The following F5 variants were observed in gnomAD, a reference collection of about 807,000 sequenced individuals.
F5 encodes the protein activated protein c cofactor.
Under a neutral mutation model 216.4 loss-of-function variants are expected in F5, and 138 were observed. That is an observed-to-expected ratio of 0.64 (90% CI 0.56 to 0.73). The LOEUF (loss-of-function observed/expected upper bound fraction) is 0.73, where lower values mean the gene tolerates loss of function less well. F5 is among the 30% of genes least tolerant of loss of function. The probability of loss-of-function intolerance (pLI) is 0.00; values close to 1 mark genes in which losing one functional copy is unlikely to be tolerated. For synonymous variants in F5, 916 were observed against 930.7 expected, an observed-to-expected ratio of 0.98 and a Z score of 0.29; for missense variants, 2,403 against 2,674.0, an observed-to-expected ratio of 0.90 and a Z score of 2.24.
chr1:169,530,931 TC>T lies in F5; in HGVS notation c.5062del (p.Asp1688MetfsTer47). ...TTCCTTAAACCATTCAGGAGAGTCA[TC>T]TTCATAAGTCTTTCCCTCTGATGAT... is the stretch of plus-strand genomic sequence containing the variant. ...EKSSEGKTYE[D>X]DSPEWFKEDN... On this transcript the variant is annotated frameshift_variant, in exon 15 of 25. Coordinates refer to ENST00000367797, the MANE Select transcript of F5 (RefSeq NM_000130.5). LOFTEE classifies it high-confidence loss of function. The T allele has an allele frequency of 6.2e-7, 1 of 1,613,906 alleles. No homozygotes were observed. Among genetic ancestry groups the T allele is most frequent in the Non-Finnish European group, 8.5e-7 (1 of 1,179,850 alleles).
In F5 at chr1:169,527,889, ACCTCTTCC is replaced by A; in HGVS notation, c.5599+18_5599+25del. On this transcript the variant is annotated intron_variant, in intron 17 of 24. Coordinates refer to ENST00000367797, the MANE Select transcript of F5 (RefSeq NM_000130.5). ...CTTTTCCCTGTATTTCTTAGCAGGG[ACCTCTTCC>A]CATTACCCAATCTTTACCAGGCAGA... 6.2e-7 allele frequency: 1 copy of A among 1,612,036 alleles called. No homozygotes were observed.
At chr1:169,573,567 G>A (rs1395568049) in intron 2 of F5, among the ~76,000 whole-genome samples, 1 of 152,186 alleles carries the variant, frequency 6.6e-6, no homozygotes, top group East Asian at 1.9e-4. Flanking sequence ...ATGACCTCAA[G>A]GTGTTTTATC....
At chr1:169,563,150 G>A (rs578081089) in intron 3 of F5, among the ~76,000 whole-genome samples, 1 of 152,046 alleles carries the variant, frequency 6.6e-6, no homozygotes, top group South Asian at 2.1e-4. Context: ...GTCCCTAATT[G>A]TCTTCTGGTG....
intron 13 of F5, among the ~76,000 whole-genome samples, chr1:169,539,623 C>A (rs567390257): frequency 6.6e-6 from 1 of 152,170 alleles, no homozygotes; most frequent in Non-Finnish European, 1.5e-5. Context: ...TGTAATTACA[C>A]TTTGGTTTTT....
At chr1:169,519,785 T>A (rs3766104) in intron 22 of F5, among the ~76,000 whole-genome samples, 8,438 of 152,314 alleles carry the variant, frequency 0.055, 351 homozygotes, top group Admixed American at 0.1. Flanking sequence ...CTTAGATTTA[T>A]TGCTTCATTC....
intron 7 of F5, among the ~76,000 whole-genome samples, chr1:169,554,466 T>C (rs1210645257): frequency 6.6e-6 from 1 of 152,224 alleles, no homozygotes; most frequent in Non-Finnish European, 1.5e-5. Context: ...ATGGACATTT[T>C]GGGTTGTTTC....
intron 5 of F5, among the ~76,000 whole-genome samples, chr1:169,558,740 C>T (rs1660386211): frequency 6.6e-6 from 1 of 152,112 alleles, no homozygotes; most frequent in African/African-American, 2.4e-5. Flanking sequence ...TTTTGAAATG[C>T]TGGTTTTTTT....
rs976949414 is a variant in F5 at position 169,514,304 on chromosome 1, T to C, written c.*9A>G. 1 of 1,613,044 alleles carries C rather than the reference T, an allele frequency of 6.2e-7. No individual in the cohort carries two copies. On this transcript the variant is annotated 3_prime_UTR_variant, in exon 25 of 25. Transcript: ENST00000367797. ...AGAGTCTCTTCCAGGGGTTTTTGAA[T>C]GTTCAATTCTAGTAAATATCACAGC...
At position 169,541,833 on chromosome 1, in the gene F5, A is replaced by G. The variant is rs116407347; in HGVS notation, c.3257T>C (p.Leu1086Ser). The G allele has an allele frequency of 5.0e-5, 81 of 1,614,098 alleles. No individual in the cohort carries two copies. In the African/African-American group the frequency reaches 8.9e-4, roughly 18 times the overall value. The change falls in exon 13 of 25, where the codon TTG becomes TCG. Residue 1086 changes from leucine to serine, a missense_variant. Physicochemically the swap from Leu to Ser is moderately radical, Grantham distance 145. Transcript: ENST00000367797. ...TATCCAGCCAAAATCCATAGAGGGC[A>G]ATGTCTGATTGAGGTCTGTGGGAAG... ...TSLPTDLNQT[L>S]PSMDFGWIAS...
At chr1:169,577,560 A>AATAT (rs3035292) in intron 2 of F5, among the ~76,000 whole-genome samples, 892 of 54,292 alleles carry the variant, frequency 0.016, 21 homozygotes, top group South Asian at 0.022. Flanking sequence ...GGCTAATTTA[A>AATAT]ATATATATAT....
rs964435891 is a variant in F5, at chr1:169,518,671, A to G, written c.6194-108T>C. The G allele has an allele frequency of 4.2e-6, 5 of 1,181,290 alleles. No individual in the cohort carries two copies. The African/African-American group carries it at 7.5e-5, about 18-fold the overall frequency. 73.2% of individuals were successfully genotyped at this position (1,181,290 alleles called of 1,614,324 possible). On this transcript the variant is annotated intron_variant, in intron 22 of 24. Transcript: ENST00000367797. The stretch of plus-strand genomic sequence containing the variant: ...ATATTACTACCAACAAATGACAAAA[A>G]CAATAACCACAACAATGAAGATTTA...
Position 169,566,536 on chromosome 1 carries a change from T to G in F5, c.373+5685A>C, listed in dbSNP as rs534599833. ...TCATCGCCATTTGTAATTCAGTATT[T>G]GTGAGACTATATGGTTAACGATACT... On this transcript the variant is annotated intron_variant, in intron 3 of 24. Coordinates refer to ENST00000367797, the MANE Select transcript of F5 (RefSeq NM_000130.5). Among the ~76,000 whole-genome samples, 49 of 152,156 alleles carry G rather than the reference T, an allele frequency of 3.2e-4. 1 individual carries two copies. The highest frequency in any genetic ancestry group is 1.2e-3 in the African/African-American group (48 of 41,544).
rs1486579945 is a variant in F5 at position 169,514,196 on chromosome 1, A to G, written c.*117T>C. 1 of 1,108,488 alleles carries G rather than the reference A, an allele frequency of 9.0e-7. No individual in the cohort carries two copies. The highest frequency in any genetic ancestry group is 1.6e-5 in the African/African-American group (1 of 63,552). The allele number at this position is 1,108,488 out of a possible 1,614,324, so 68.7% of individuals were successfully genotyped here. A position where few individuals can be genotyped will look rare whatever the true frequency, so the allele number is the denominator to read the frequency against. ...GTATAAAATTTTATTCACTAATAGAAAAGAAAGAGAAATAGTGGAAAACTG... is the reference window on the plus strand; with the variant it reads ...GTATAAAATTTTATTCACTAATAGAGAAGAAAGAGAAATAGTGGAAAACTG... On this transcript the variant is annotated 3_prime_UTR_variant, in exon 25 of 25. Transcript: ENST00000367797.
intron 17 of F5, among the ~76,000 whole-genome samples, chr1:169,527,013 T>C (rs1443702998): frequency 6.6e-6 from 1 of 152,154 alleles, no homozygotes; most frequent in Non-Finnish European, 1.5e-5. Flanking sequence ...TGGACTTCTG[T>C]GCCTGCATCT....
At position 169,540,654 on chromosome 1, in the gene F5, T is replaced by C; in HGVS notation, c.4436A>G (p.Asn1479Ser). The change falls in exon 13 of 25, where the codon AAT becomes AGT. Residue 1479 changes from asparagine to serine, a missense_variant. This residue lies in a region of F5 where 293 missense variants were observed against 270.8 expected (regional missense o/e 1.08). Transcript: ENST00000367797. ...AAGGTCTGGATAAGGAAAAGACTCATTAAATTCTTGAAGAAGCAATGACTG... is the reference window on the plus strand; with the variant it reads ...AAGGTCTGGATAAGGAAAAGACTCACTAAATTCTTGAAGAAGCAATGACTG... ...SSQSLLLQEFNESFPYPDLGQ... is the reference protein window; with the variant it reads ...SSQSLLLQEFSESFPYPDLGQ... 1.1e-5 allele frequency: 17 copies of C among 1,613,966 alleles called. No individual in the cohort carries two copies. The highest frequency in any genetic ancestry group is 1.4e-5 in the Non-Finnish European group (17 of 1,179,930).
intron 2 of F5, among the ~76,000 whole-genome samples, chr1:169,576,851 T>G (rs1660863423): frequency 6.6e-6 from 1 of 152,190 alleles, no homozygotes; most frequent in Admixed American, 6.5e-5. Flanking sequence ...ATCACATGCC[T>G]GCAAATACCA....
rs773569662 is a variant in F5 at position 169,540,387 on chromosome 1, G to GCAAT, written c.4699_4702dup (p.Ala1568AspfsTer21). ...ATTGTTGCTGCGGAGGTACCATGCT[G>GCAAT]CAATGTTGTCAGGATCTCTGGAGGA... On this transcript the variant is annotated frameshift_variant, in exon 13 of 25. Coordinates refer to ENST00000367797, the MANE Select transcript of F5 (RefSeq NM_000130.5). LOFTEE classifies it high-confidence loss of function. 9 of 1,614,006 alleles carry GCAAT rather than the reference G, an allele frequency of 5.6e-6. No individual in the cohort carries two copies. The highest frequency in any genetic ancestry group is 7.6e-6 in the Non-Finnish European group (9 of 1,179,936).
rs57320132 is a variant in F5 at position 169,577,581 on chromosome 1, ATATATATATATATATATATATATG to A, written c.250+4826_250+4849del. ...TTTAAATATATATATATATATATAT[ATATATATATATATATATATATATG>A]TATGTATTTTTTTAAATAGAAACAG... On this transcript the variant is annotated intron_variant, in intron 2 of 24. Coordinates refer to ENST00000367797, the MANE Select transcript of F5 (RefSeq NM_000130.5). Among the ~76,000 whole-genome samples, 243 of 105,660 alleles carry A rather than the reference ATATATATATATATATATATATATG, an allele frequency of 2.3e-3. 5 individuals carry two copies. Among genetic ancestry groups the A allele is most frequent in the African/African-American group, 8.6e-3 (198 of 23,012 alleles). 69.3% of individuals were successfully genotyped at this position (105,660 alleles called of 152,430 possible).
At chr1:169,539,061 T>A (rs1000848820) in intron 13 of F5, among the ~76,000 whole-genome samples, 2 of 152,274 alleles carry the variant, frequency 1.3e-5, no homozygotes, top group Middle Eastern at 3.4e-3. Context: ...TATAAATAAA[T>A]AAATAAAGCA....
Sources: gnomAD v4.1 joint callset for allele counts (sites outside exome capture counted in the v4.1 genomes callset) on GRCh38, gnomAD v4.1.1 for gene constraint, gnomAD v4.1.1 regional missense constraint, MANE v1.5 for transcripts, NCBI Gene and HGNC (gene_info 2026-07-23, HGNC 2026-07-21) for gene names.